MRPL21: variants seen among roughly 807,000 people sequenced by gnomAD.
MRPL21 encodes large ribosomal subunit protein bL21m.
In MRPL21, 20 loss-of-function variants were observed where a neutral mutation model predicts 27.3. The observed-to-expected ratio is 0.73, with a 90% CI of 0.52 to 1.06. MRPL21 has a LOEUF of 1.06. MRPL21 is among the 50% of genes least tolerant of loss of function. The pLI, the probability that MRPL21 is intolerant of heterozygous loss-of-function variation, is 0.00. For missense variants in MRPL21, 249 were observed against 251.4 expected (o/e 0.99, Z 0.06); for synonymous variants, 98 against 101.5 (o/e 0.97, Z 0.21).
chr11:68,896,882 G>A, intron 3 of MRPL21: 2 of 621,424 alleles, frequency 3.2e-6, no homozygotes, highest in Non-Finnish European at 2.8e-6. Flanking sequence ...GCTGCTTCAG[G>A]AGCACCAGCA....
At chr11:68,896,250 A>G (rs111910073) in intron 4 of MRPL21, among the ~76,000 whole-genome samples, 5 of 152,320 alleles carry the variant, frequency 3.3e-5, no homozygotes, top group African/African-American at 1.2e-4. Flanking sequence ...TTCTGCCCTC[A>G]GCACTGTTTT....
chr11:68,898,307 G>C (rs1857852196), intron 2 of MRPL21, among the ~76,000 whole-genome samples: 1 of 152,202 alleles, frequency 6.6e-6, no homozygotes, highest in East Asian at 1.9e-4. Flanking sequence ...ATCCAAGAAG[G>C]CTGGGCTTGT....
At position 68,896,568 on chromosome 11, in the gene MRPL21, A is replaced by C. The variant is rs1258857287; in HGVS notation, c.343T>G (p.Leu115Val). ...QWKVTSEDLI[L>V]IGNELDLACG... is the part of the protein sequence containing the mutation. ...GCAAGGTCTAGTTCATTTCCAATTA[A>C]GATCAGGTCTTCAGAGGTCACCTTC... Residue 115 changes from leucine to valine, a missense_variant, in exon 4 of 7, where the codon TTA (leucine) becomes GTA (valine). Physicochemically the swap from Leu to Val is conservative, Grantham distance 32. Transcript: ENST00000362034. 6.2e-7 allele frequency: 1 copy of C among 1,614,120 alleles called. No individual in the cohort carries two copies. Among genetic ancestry groups the C allele is most frequent in the South Asian group, 1.1e-5 (1 of 91,094 alleles).
chr11:68,893,435 G>A lies in MRPL21; in HGVS notation c.417C>T (p.Asp139=). 2.5e-6 allele frequency: 4 copies of A among 1,614,196 alleles called. No homozygotes were observed. The highest frequency in any genetic ancestry group is 3.4e-6 in the Non-Finnish European group (4 of 1,180,042). ...GTGGCTTGCCAAGCAGCGTGAAGTTGTCTGCCCCAACCAGCAGGACCTGAA... is the reference window on the plus strand; with the variant it reads ...GTGGCTTGCCAAGCAGCGTGAAGTTATCTGCCCCAACCAGCAGGACCTGAA... The part of the protein sequence containing the change: ...RLEKVLLVGA[D]NFTLLGKPLL... The change falls in exon 5 of 7, where the codon GAC becomes GAT. Residue 139 remains aspartate, a synonymous_variant. Coordinates refer to ENST00000362034, the MANE Select transcript of MRPL21 (RefSeq NM_181514.2).
At chr11:68,901,456 T>C (rs140618236) in intron 1 of MRPL21, among the ~76,000 whole-genome samples, 67 of 152,302 alleles carry the variant, frequency 4.4e-4, no homozygotes, top group African/African-American at 1.6e-3. Flanking sequence ...GGGATCAAAA[T>C]AAGTGCTTAG....
intron 4 of MRPL21, among the ~76,000 whole-genome samples, chr11:68,895,773 G>T (rs991888226): frequency 2.7e-4 from 41 of 152,168 alleles, no homozygotes; most frequent in Admixed American, 1.2e-3. Context: ...AGGCTCAAAT[G>T]ATCCTTCTAC....
chr11:68,899,438 A>G (rs769618113), intron 2 of MRPL21, among the ~76,000 whole-genome samples: 1 of 152,184 alleles, frequency 6.6e-6, no homozygotes, highest in Non-Finnish European at 1.5e-5. Flanking sequence ...CTCCACACCA[A>G]TCTGGGAGAG....
At chr11:68,902,748 A>G (rs755114822) in intron 1 of MRPL21, among the ~76,000 whole-genome samples, 7 of 152,178 alleles carry the variant, frequency 4.6e-5, no homozygotes, top group Non-Finnish European at 1.0e-4. Flanking sequence ...ATCTACCATT[A>G]TATCATACAG....
intron 4 of MRPL21, among the ~76,000 whole-genome samples, chr11:68,896,267 T>C (rs1857784622): frequency 6.6e-6 from 1 of 152,246 alleles, no homozygotes; most frequent in African/African-American, 2.4e-5. Flanking sequence ...TTTTATGTGC[T>C]GTCTCCCTTC....
chr11:68,897,613 T>A, intron 3 of MRPL21: 1 of 399,374 alleles, frequency 2.5e-6, no homozygotes, highest in Admixed American at 3.9e-5. Context: ...CCAGTAATTG[T>A]GCTTAACTGT....
rs368358628 is a variant in MRPL21 at position 68,896,503 on chromosome 11, C to T, written c.396+12G>A. 19 of 1,613,514 alleles carry T rather than the reference C, an allele frequency of 1.2e-5. No individual in the cohort carries two copies. Among genetic ancestry groups the T allele is most frequent in the South Asian group, 3.3e-5 (3 of 91,066 alleles). On this transcript the variant is annotated intron_variant, in intron 4 of 6. Transcript: ENST00000362034. Reference sequence around the variant, plus strand: ...GAGTCCCTGAATATCCAGAGAAGCTCGGTGGTCTCACCTTCTCCAGTCGAA... The same window carrying T: ...GAGTCCCTGAATATCCAGAGAAGCTTGGTGGTCTCACCTTCTCCAGTCGAA...
rs569163418 is a variant in MRPL21, at chr11:68,902,607, A to G, written c.88+1116T>C. ...GCTTCCTATCAACATCCCTCACCAG[A>G]GTGGTACAATCTTTACAATTGATGA... is the stretch of plus-strand genomic sequence containing the variant. On this transcript the variant is annotated intron_variant, in intron 1 of 6. Coordinates refer to ENST00000362034, the MANE Select transcript of MRPL21 (RefSeq NM_181514.2). Among the ~76,000 whole-genome samples, 3 of 152,348 alleles carry G rather than the reference A, an allele frequency of 2.0e-5. No individual in the cohort carries two copies. In the East Asian group the frequency reaches 5.8e-4, roughly 29 times the overall value.
At chr11:68,891,966 G>A in intron 6 of MRPL21, 6 of 764,980 alleles carry the variant, frequency 7.8e-6, no homozygotes, top group Non-Finnish European at 1.1e-5. Flanking sequence ...GACCTGCTAG[G>A]ACAGCCCTAC....
Position 68,896,365 on chromosome 11 carries a change from G to A in MRPL21, c.396+150C>T, listed in dbSNP as rs529048416. 7.2e-5 allele frequency: 71 copies of A among 991,706 alleles called. No homozygotes were observed. In the South Asian group the frequency reaches 8.6e-4, roughly 12 times the overall value. The allele number at this position is 991,706 out of a possible 1,614,324, so 61.4% of individuals were successfully genotyped here. ...CTTGGACCCCAGCCCCGCCGTGGGC[G>A]CCCCCCAAAGTCCCTTCTGAGCCTC... On this transcript the variant is annotated intron_variant, in intron 4 of 6. Coordinates refer to ENST00000362034, the MANE Select transcript of MRPL21 (RefSeq NM_181514.2).
intron 4 of MRPL21, 128 bp downstream of exon 4, chr11:68,896,387 C>T (rs953943779): frequency 6.4e-6 from 8 of 1,245,038 alleles, no homozygotes; most frequent in Non-Finnish European, 7.9e-6. Flanking sequence ...CCCTTCTGAG[C>T]CTCAGCTTTG....
chr11:68,898,113 GCAA>G, intron 2 of MRPL21, 101 bp from the exon 3 acceptor site: 2 of 940,630 alleles, frequency 2.1e-6, no homozygotes, highest in Non-Finnish European at 1.7e-6. Flanking sequence ...GGGATCCCCG[GCAA>G]CAAAAGGCTC....
In MRPL21 at chr11:68,891,327, G is replaced by C. The variant is rs762790097; in HGVS notation, c.*4C>G. 2 of 1,613,652 alleles carry C rather than the reference G, an allele frequency of 1.2e-6. No homozygotes were observed. The highest frequency in any genetic ancestry group is 3.3e-5 in the Admixed American group (2 of 60,018). ...TTATCCTTTTGTAAGTATTAACTCGGTAATCACAACAAACACGGAGCAATC... is the reference window on the plus strand; with the variant it reads ...TTATCCTTTTGTAAGTATTAACTCGCTAATCACAACAAACACGGAGCAATC... On this transcript the variant is annotated 3_prime_UTR_variant, in exon 7 of 7. Coordinates refer to ENST00000362034, the MANE Select transcript of MRPL21 (RefSeq NM_181514.2).
intron 1 of MRPL21, among the ~76,000 whole-genome samples, chr11:68,902,909 T>C (rs1254991690): frequency 1.3e-5 from 2 of 152,174 alleles, no homozygotes; most frequent in Non-Finnish European, 2.9e-5. Flanking sequence ...TGTCCCCTTT[T>C]CAGGTTGGCT....
At chr11:68,900,844 G>A (rs1857917082) in intron 1 of MRPL21, among the ~76,000 whole-genome samples, 1 of 152,206 alleles carries the variant, frequency 6.6e-6, no homozygotes, top group Non-Finnish European at 1.5e-5. Context: ...AGAACCACCC[G>A]TCCACTAACT....
Sources: gnomAD v4.1 joint callset for allele counts (sites outside exome capture counted in the v4.1 genomes callset) on GRCh38, gnomAD v4.1.1 for gene constraint, MANE v1.5 for transcripts, NCBI Gene and HGNC (gene_info 2026-07-23, HGNC 2026-07-21) for gene names.